RCAN1: variants seen among roughly 807,000 people sequenced by gnomAD.
RCAN1 encodes calcipressin-1.
Under a neutral mutation model 22.9 loss-of-function variants are expected in RCAN1, and 11 were observed. The observed-to-expected ratio is 0.48, with a 90% CI of 0.30 to 0.79. The LOEUF (loss-of-function observed/expected upper bound fraction) is 0.79, where lower values mean the gene tolerates loss of function less well. Among genes scored for constraint, RCAN1 ranks in the 30% least tolerant of loss-of-function variants. The probability of loss-of-function intolerance (pLI) is 0.06; values close to 1 mark genes in which losing one functional copy is unlikely to be tolerated. For missense variants in RCAN1, 291 were observed against 337.8 expected (o/e 0.86, Z 1.09); for synonymous variants, 136 against 142.3 (o/e 0.96, Z 0.32).
intron 1 of RCAN1, among the ~76,000 whole-genome samples, chr21:34,591,651 T>G (rs1987978023): frequency 6.6e-6 from 1 of 152,214 alleles, no homozygotes; most frequent in Non-Finnish European, 1.5e-5. Flanking sequence ...ATTAAGTCTC[T>G]TAAACTGCCA....
Position 34,614,984 on chromosome 21 carries a change from G to C in RCAN1, c.28C>G (p.Leu10Val), listed in dbSNP as rs908132986. 9.0e-7 allele frequency: 1 copy of C among 1,113,164 alleles called. No homozygotes were observed. The highest frequency in any genetic ancestry group is 1.1e-6 in the Non-Finnish European group (1 of 917,416). 69.0% of individuals were successfully genotyped at this position (1,113,164 alleles called of 1,614,324 possible). Residue 10 changes from leucine (L) to valine (V), a missense_variant, in exon 1 of 4, where the codon CTC becomes GTC. By Grantham distance (32) the Leu-to-Val change is conservative (BLOSUM62 1). Transcript: ENST00000313806. This position sits in a 1 kb window ranked among gnomAD's most constrained non-coding sequence, Gnocchi z 6.0. The stretch of plus-strand genomic sequence containing the variant: ...TCCGCCGCCTCCGCCGCGGCCCCGA[G>C]CTGGGGACCGGCCACGCCGTCCTCC... MEDGVAGPQ[L>V]GAAAEAAEAA...
At chr21:34,560,419 G>T (rs576077386) in intron 1 of RCAN1, among the ~76,000 whole-genome samples, 63 of 152,074 alleles carry the variant, frequency 4.1e-4, no homozygotes, top group African/African-American at 1.4e-3. Context: ...CATCTTTTAC[G>T]CTTAGAACAA....
intron 1 of RCAN1, among the ~76,000 whole-genome samples, chr21:34,573,188 AT>A (rs550515636): frequency 1.3e-3 from 192 of 152,330 alleles, no homozygotes; most frequent in African/African-American, 4.5e-3. Context: ...AAATGGATAG[AT>A]TTTTAGCAGA....
At chr21:34,583,379 G>A (rs1349897506) in intron 1 of RCAN1, among the ~76,000 whole-genome samples, 1 of 152,098 alleles carries the variant, frequency 6.6e-6, no homozygotes, top group Non-Finnish European at 1.5e-5. Flanking sequence ...GTTTCACCAT[G>A]TTGGTCAGGC....
intron 1 of RCAN1, among the ~76,000 whole-genome samples, chr21:34,562,378 C>T (rs980629161): frequency 5.9e-5 from 9 of 152,118 alleles, no homozygotes; most frequent in Admixed American, 3.3e-4. Context: ...CCAGGCATTC[C>T]CAGGAAAGCG....
At chr21:34,544,427 C>T (rs908362828) in intron 1 of RCAN1, among the ~76,000 whole-genome samples, 1 of 152,136 alleles carries the variant, frequency 6.6e-6, no homozygotes, top group South Asian at 2.1e-4. Context: ...AGATTCTCCG[C>T]AAGAGTCTCC....
chr21:34,581,670 C>T (rs1217537275), intron 1 of RCAN1, among the ~76,000 whole-genome samples: 1 of 152,144 alleles, frequency 6.6e-6, no homozygotes, highest in Non-Finnish European at 1.5e-5. Context: ...AAATGTAAAG[C>T]CTCCATTGCC....
intron 1 of RCAN1, among the ~76,000 whole-genome samples, chr21:34,586,155 T>C (rs1987785993): frequency 2.0e-5 from 3 of 152,224 alleles, no homozygotes; most frequent in Non-Finnish European, 2.9e-5. Flanking sequence ...AGTAAGGCCA[T>C]AGATGACATA....
chr21:34,609,018 A>G (rs1300819188), intron 1 of RCAN1, among the ~76,000 whole-genome samples: 1 of 152,190 alleles, frequency 6.6e-6, no homozygotes, highest in African/African-American at 2.4e-5. Context: ...TAAATAAAAA[A>G]CCTACCCCAA....
chr21:34,597,882 G>A (rs1013631445), intron 1 of RCAN1, among the ~76,000 whole-genome samples: 1 of 152,000 alleles, frequency 6.6e-6, no homozygotes, highest in Non-Finnish European at 1.5e-5. Context: ...CTATATAGAG[G>A]TAAAAATAAG....
chr21:34,525,779 C>A (rs775602760), intron 1 of RCAN1, among the ~76,000 whole-genome samples: 45 of 152,168 alleles, frequency 3.0e-4, no homozygotes, highest in Middle Eastern at 3.2e-3. Context: ...TCACATAAGG[C>A]TCATGTTAAG....
At chr21:34,579,251 C>T (rs901895584) in intron 1 of RCAN1, among the ~76,000 whole-genome samples, 1 of 152,050 alleles carries the variant, frequency 6.6e-6, no homozygotes, top group African/African-American at 2.4e-5. Context: ...AAAAAATTAG[C>T]CAGGTACGGT....
rs1277018437 is a variant in RCAN1, at chr21:34,523,532, C to T, written c.426+5G>A. 4.3e-6 allele frequency: 7 copies of T among 1,613,530 alleles called. No individual in the cohort carries two copies. Among genetic ancestry groups the T allele is most frequent in the African/African-American group, 1.3e-5 (1 of 74,884 alleles). On this transcript the variant is annotated splice_donor_5th_base_variant and intron_variant, in intron 2 of 3. Transcript: ENST00000313806. The stretch of plus-strand genomic sequence containing the variant: ...GAAGCATGCATAGCAATGAACCCAA[C>T]TCACCTGAGCAAAATATAACTTCAT...
At chr21:34,563,203 A>C (rs1042222432) in intron 1 of RCAN1, among the ~76,000 whole-genome samples, 48 of 152,170 alleles carry the variant, frequency 3.2e-4, no homozygotes, top group African/African-American at 1.2e-3. Context: ...ACACAGTAAA[A>C]TCTAGCATAA....
intron 1 of RCAN1, among the ~76,000 whole-genome samples, chr21:34,590,548 G>GT (rs1601205348): frequency 6.6e-6 from 1 of 152,212 alleles, no homozygotes; most frequent in Non-Finnish European, 1.5e-5. Flanking sequence ...ATCTCCTGAA[G>GT]TGAGTGTTTT....
chr21:34,564,899 GAACT>G, intron 1 of RCAN1, among the ~76,000 whole-genome samples: 1 of 152,186 alleles, frequency 6.6e-6, no homozygotes, highest in Middle Eastern at 3.4e-3. Context: ...ATGACTGTTG[GAACT>G]AATAAGAAAA....
intron 1 of RCAN1, among the ~76,000 whole-genome samples, chr21:34,608,217 G>T (rs1988589235): frequency 6.6e-6 from 1 of 152,100 alleles, no homozygotes; most frequent in African/African-American, 2.4e-5. Flanking sequence ...CTGCCCCCTG[G>T]TCTGTAGAAA....
chr21:34,531,504 A>G (rs921413634), intron 1 of RCAN1, among the ~76,000 whole-genome samples: 1 of 152,142 alleles, frequency 6.6e-6, no homozygotes, highest in Non-Finnish European at 1.5e-5. Flanking sequence ...AGCAACTGTA[A>G]TATCTTCCCA....
At chr21:34,604,049 A>T (rs1988445945) in intron 1 of RCAN1, among the ~76,000 whole-genome samples, 1 of 152,200 alleles carries the variant, frequency 6.6e-6, no homozygotes, top group Non-Finnish European at 1.5e-5. Context: ...AGATGTTTTG[A>T]GAAACATTTT....
Sources: gnomAD v4.1 joint callset for allele counts (sites outside exome capture counted in the v4.1 genomes callset) on GRCh38, gnomAD v4.1.1 for gene constraint, Gnocchi (gnomAD v3.1) non-coding constraint, MANE v1.5 for transcripts, NCBI Gene and HGNC (gene_info 2026-07-23, HGNC 2026-07-21) for gene names.